The following AGBL1 variants were observed in gnomAD, a reference collection of about 807,000 sequenced individuals.
AGBL1 encodes AGBL carboxypeptidase 1.
AGBL1 carries 130 observed loss-of-function variants against 118.9 expected under a neutral mutation model. The ratio of observed to expected loss-of-function variants is 1.09; its 90% CI spans 0.95 to 1.26. The LOEUF (loss-of-function observed/expected upper bound fraction) is 1.26, where lower values mean the gene tolerates loss of function less well. Among genes scored for constraint, AGBL1 ranks in the 50% most tolerant of loss-of-function variants. The pLI is 0.00. For missense variants in AGBL1, 1,584 were observed against 1,298.1 expected (o/e 1.22, Z -3.38); for synonymous variants, 555 against 478.9 (o/e 1.16, Z -2.08).
rs774882154 is a variant in AGBL1, at chr15:86,256,954, C to T, written c.837C>T (p.Ser279=). The T allele has an allele frequency of 2.5e-6, 4 of 1,613,864 alleles. No individual in the cohort carries two copies. Among genetic ancestry groups the T allele is most frequent in the African/African-American group, 2.7e-5 (2 of 74,934 alleles). ...PTSPLPLVTA[S]SAYAFPVPGC... ...GTCCACTTCCCTTGGTCACAGCCAG[C>T]AGTGCCTATGCCTTCCCGGTCCCCG... Residue 279 remains serine, a synonymous_variant, in exon 8 of 23, where the codon AGC becomes AGT. Coordinates refer to ENST00000614907, the MANE Select transcript of AGBL1 (RefSeq NM_001386094.1).
intron 3 of AGBL1, among the ~76,000 whole-genome samples, chr15:86,153,179 A>G (rs1161769840): frequency 6.6e-6 from 1 of 152,242 alleles, no homozygotes; most frequent in Non-Finnish European, 1.5e-5. Context: ...CCAAAGGATT[A>G]TAAATCATGC....
At chr15:86,542,510 G>A (rs1241468609) in intron 19 of AGBL1, among the ~76,000 whole-genome samples, 1 of 151,722 alleles carries the variant, frequency 6.6e-6, no homozygotes, top group Non-Finnish European at 1.5e-5. Context: ...GGGATTACAG[G>A]CGCATGCCAC....
chr15:86,773,392 C>T (rs1348920380), intron 22 of AGBL1, among the ~76,000 whole-genome samples: 1 of 151,878 alleles, frequency 6.6e-6, no homozygotes, highest in Non-Finnish European at 1.5e-5. Context: ...TGGAGCCAAC[C>T]CATAGAAAGT....
chr15:86,397,080 G>A (rs1240966961), intron 17 of AGBL1, among the ~76,000 whole-genome samples: 1 of 152,056 alleles, frequency 6.6e-6, no homozygotes, highest in Admixed American at 6.6e-5. Flanking sequence ...TGTGTTAGGA[G>A]CAATCCATCT....
chr15:86,189,224 G>C (rs948303899), intron 5 of AGBL1, among the ~76,000 whole-genome samples: 5 of 152,142 alleles, frequency 3.3e-5, no homozygotes, highest in African/African-American at 1.2e-4. Context: ...TTAAAACCAT[G>C]TCCATTTTAC....
intron 22 of AGBL1, among the ~76,000 whole-genome samples, chr15:86,817,310 A>AC (rs1555453322): frequency 5.3e-5 from 8 of 149,634 alleles, no homozygotes; most frequent in East Asian, 2.0e-4. Context: ...AAAAAAAAAA[A>AC]CCACCAAACT....
At chr15:86,557,141 C>T (rs564533333) in intron 21 of AGBL1, among the ~76,000 whole-genome samples, 1 of 152,252 alleles carries the variant, frequency 6.6e-6, no homozygotes, top group East Asian at 1.9e-4. Context: ...ACACTTAGAT[C>T]TATAACTTGT....
chr15:86,505,881 A>G lies in AGBL1; in HGVS notation c.2556-16929A>G, dbSNP rs191155028. Among the ~76,000 whole-genome samples, 33 of 152,116 alleles carry G rather than the reference A, an allele frequency of 2.2e-4. 1 individual carries two copies. Among genetic ancestry groups the G allele is most frequent in the Admixed American group, 1.7e-3 (26 of 15,244 alleles). On this transcript the variant is annotated intron_variant, in intron 18 of 22. Coordinates refer to ENST00000614907, the MANE Select transcript of AGBL1 (RefSeq NM_001386094.1). ...TTTTGCTGAAAAGTAGAAATTTTAA[A>G]TACATAATGTTGCAATTCTGGAAAT... is the stretch of plus-strand genomic sequence containing the variant.
At chr15:86,969,114 A>G (rs896601787) in intron 23 of AGBL1, among the ~76,000 whole-genome samples, 10 of 152,092 alleles carry the variant, frequency 6.6e-5, no homozygotes, top group South Asian at 2.1e-4. Context: ...TTCCATCCCA[A>G]TAGCATCAAA....
chr15:86,745,052 G>A (rs1357489702), intron 22 of AGBL1, among the ~76,000 whole-genome samples: 1 of 152,128 alleles, frequency 6.6e-6, no homozygotes, highest in Non-Finnish European at 1.5e-5. Flanking sequence ...AATAGAGTAT[G>A]TCTTTCCGTA....
intron 17 of AGBL1, among the ~76,000 whole-genome samples, chr15:86,385,415 G>A (rs1040861559): frequency 6.6e-6 from 1 of 152,196 alleles, no homozygotes; most frequent in Non-Finnish European, 1.5e-5. Context: ...GAAATGCAGA[G>A]TCTCAGGCAT....
At chr15:86,753,505 C>A (rs2077887270) in intron 22 of AGBL1, among the ~76,000 whole-genome samples, 1 of 145,612 alleles carries the variant, frequency 6.9e-6, no homozygotes, top group Admixed American at 7.1e-5. Context: ...TCAAGCAATT[C>A]TCTTGCCTTA....
intron 17 of AGBL1, among the ~76,000 whole-genome samples, chr15:86,342,888 A>G (rs1000918751): frequency 1.3e-5 from 2 of 152,240 alleles, no homozygotes; most frequent in African/African-American, 4.8e-5. Context: ...TAATTAGAAC[A>G]TTTTTAGATT....
At chr15:86,170,138 A>G (rs1322006729) in intron 5 of AGBL1, among the ~76,000 whole-genome samples, 3 of 152,232 alleles carry the variant, frequency 2.0e-5, no homozygotes, top group Admixed American at 6.5e-5. Flanking sequence ...TATATTTCAC[A>G]TGTTCAAAAA....
At chr15:86,244,761 G>A (rs1341022822) in intron 6 of AGBL1, among the ~76,000 whole-genome samples, 2 of 152,098 alleles carry the variant, frequency 1.3e-5, no homozygotes, top group Non-Finnish European at 2.9e-5. Flanking sequence ...AAGTCCTTAA[G>A]CTTATGCTGC....
chr15:86,495,112 C>T (rs1410111067), intron 18 of AGBL1, among the ~76,000 whole-genome samples: 3 of 151,818 alleles, frequency 2.0e-5, no homozygotes, highest in African/African-American at 7.3e-5. Context: ...CACTCTCTCT[C>T]TCTCTCTCTC....
At chr15:86,810,431 T>C (rs185013343) in intron 22 of AGBL1, among the ~76,000 whole-genome samples, 42 of 152,266 alleles carry the variant, frequency 2.8e-4, no homozygotes, top group African/African-American at 9.9e-4. Context: ...CCTCTGCTCC[T>C]TGGCATGCAG....
Position 86,332,738 on chromosome 15 carries a change from C to CT in AGBL1, c.2374+37331dup, listed in dbSNP as rs566969180. On this transcript the variant is annotated intron_variant, in intron 17 of 22. Transcript: ENST00000614907. The stretch of plus-strand genomic sequence containing the variant: ...GTCTACAGAATACTCCACCCATCAA[C>CT]TGCAGAATATACATTATTCTCATCT... Among the ~76,000 whole-genome samples the CT allele has an allele frequency of 4.9e-3, 751 of 151,848 alleles. 4 individuals carry two copies. The highest frequency in any genetic ancestry group is 0.017 in the African/African-American group (716 of 41,416).
At chr15:86,669,753 A>G (rs944770309) in intron 21 of AGBL1, among the ~76,000 whole-genome samples, 3 of 152,042 alleles carry the variant, frequency 2.0e-5, no homozygotes, top group Non-Finnish European at 4.4e-5. Flanking sequence ...ATATGTGGAT[A>G]TTTTCTTGAT....
Sources: allele counts gnomAD v4.1 joint callset (sites outside exome capture counted in the v4.1 genomes callset), GRCh38; gene constraint gnomAD v4.1.1; transcripts MANE v1.5; gene names NCBI Gene and HGNC (gene_info 2026-07-23, HGNC 2026-07-21).